WDR87: variants seen among roughly 807,000 people sequenced by gnomAD.
The protein encoded by WDR87 is WD repeat-containing protein 87.
In WDR87, 56 loss-of-function variants were observed where a neutral mutation model predicts 83.3. That is an observed-to-expected ratio of 0.67 (90% CI 0.54 to 0.84). WDR87 has a LOEUF of 0.84. WDR87 is among the 40% of genes least tolerant of loss of function. WDR87 has a pLI of 0.00. For synonymous variants in WDR87, 1,173 were observed against 1,250.6 expected (o/e 0.94, Z 1.31); for missense variants, 2,939 against 3,431.9 (o/e 0.86, Z 3.59).
chr19:37,900,080 C>A (rs2046284082), intron 1 of WDR87, among the ~76,000 whole-genome samples: 1 of 152,142 alleles, frequency 6.6e-6, no homozygotes, highest in Non-Finnish European at 1.5e-5. Flanking sequence ...AAGCAGCAGG[C>A]AAAACTTACC....
At chr19:37,902,224 A>AT (rs1467252507) in intron 1 of WDR87, among the ~76,000 whole-genome samples, 8 of 149,174 alleles carry the variant, frequency 5.4e-5, no homozygotes, top group Non-Finnish European at 8.9e-5. Context: ...TTCCTTTTTT[A>AT]TTTTTTTTGA....
Position 37,886,215 on chromosome 19 carries a change from G to A in WDR87, c.7456C>T (p.Pro2486Ser). The A allele has an allele frequency of 6.4e-7, 1 of 1,551,688 alleles. No individual in the cohort carries two copies. Among genetic ancestry groups the A allele is most frequent in the Non-Finnish European group, 8.7e-7 (1 of 1,147,004 alleles). Residue 2486 changes from proline to serine, a missense_variant, in exon 6 of 6, where the codon CCT (proline) becomes TCT (serine). Physicochemically the swap from Pro to Ser is moderately conservative, Grantham distance 74 (BLOSUM62 -1). This residue lies in a region of WDR87 where 2,160 missense variants were observed against 2,533.1 expected (regional missense o/e 0.85). Coordinates refer to ENST00000447313, the MANE Select transcript of WDR87 (RefSeq NM_001291088.2). ...AAAACTGTACCCAAAACATGTGGAGGTATGGGTTCATATTTTCCCATCACT... is the reference window on the plus strand; with the variant it reads ...AAAACTGTACCCAAAACATGTGGAGATATGGGTTCATATTTTCCCATCACT... ...REVMGKYEPI[P>S]PHVLGTVLES...
chr19:37,896,189 GGCATCACTGAAGTAATA>G lies in WDR87; in HGVS notation c.178_194del (p.Tyr60ProfsTer27). 1 of 1,552,238 alleles carries G rather than the reference GGCATCACTGAAGTAATA, an allele frequency of 6.4e-7. No individual in the cohort carries two copies. The highest frequency in any genetic ancestry group is 8.7e-7 in the Non-Finnish European group (1 of 1,147,116). On this transcript the variant is annotated frameshift_variant, in exon 3 of 6. Coordinates refer to ENST00000447313, the MANE Select transcript of WDR87 (RefSeq NM_001291088.2). LOFTEE classifies it high-confidence loss of function. Reference sequence around the variant, plus strand: ...CCCAAGAGAGGGAGGCGAAGAAGTGGGCATCACTGAAGTAATAGCATACACACGGCATATTTTGAGGA... The same window carrying G: ...CCCAAGAGAGGGAGGCGAAGAAGTGGGCATACACACGGCATATTTTGAGGA...
intron 1 of WDR87, among the ~76,000 whole-genome samples, chr19:37,904,526 T>G (rs894524111): frequency 2.0e-5 from 3 of 151,890 alleles, no homozygotes; most frequent in Non-Finnish European, 4.4e-5. Flanking sequence ...ACCCAGCGAA[T>G]TTTTTGTATT....
Position 37,894,973 on chromosome 19 carries a change from TGGA to T in WDR87, c.727_729del (p.Ser243del), listed in dbSNP as rs76642851. On this transcript the variant is annotated inframe_deletion, in exon 4 of 6. Transcript: ENST00000447313. ...TCAAAACAGGTGAAGCAGCAGGTGA[TGGA>T]GGAGCCGCTGCTGGTGGACGTGAAC... 0.044 allele frequency: 68,308 copies of T among 1,551,628 alleles called. 1,740 individuals carry two copies. The highest frequency in any genetic ancestry group is 0.1 in the East Asian group (4,282 of 40,902).
chr19:37,901,611 G>A (rs1362398308), intron 1 of WDR87, among the ~76,000 whole-genome samples: 3 of 152,074 alleles, frequency 2.0e-5, no homozygotes, highest in African/African-American at 4.8e-5. Flanking sequence ...TCTCTTGACC[G>A]GCCTACAGAG....
chr19:37,886,014 T>G lies in WDR87; in HGVS notation c.7657A>C (p.Lys2553Gln). 6.4e-7 allele frequency: 1 copy of G among 1,551,696 alleles called. No homozygotes were observed. Among genetic ancestry groups the G allele is most frequent in the East Asian group, 2.4e-5 (1 of 40,936 alleles). Residue 2553 changes from lysine to glutamine, a missense_variant, in exon 6 of 6, where the codon AAG becomes CAG. By Grantham distance (53) the Lys-to-Gln change is moderately conservative (BLOSUM62 1). Around this residue, in one of 3 missense-constraint regions of WDR87, gnomAD observed 2,160 missense variants for 2,533.1 expected, o/e 0.85. Coordinates refer to ENST00000447313, the MANE Select transcript of WDR87 (RefSeq NM_001291088.2). ...VQLPLSQIPA[K>Q]EQHADVSLSD... ...AGGCTTACGTCTGCATGTTGTTCCT[T>G]AGCTGGGATTTGGGAGAGAGGTAAC...
At position 37,888,160 on chromosome 19, in the gene WDR87, C is replaced by A; in HGVS notation, c.5511G>T (p.Leu1837=). 6.4e-7 allele frequency: 1 copy of A among 1,552,154 alleles called. No homozygotes were observed. Among genetic ancestry groups the A allele is most frequent in the Non-Finnish European group, 8.7e-7 (1 of 1,147,124 alleles). ...CAATCAATTGCTCCCTTTTCCGTCC[C>A]AGTCTTTCCTCTTCCTCAGGCATTT... The part of the protein sequence containing the change: ...KEKMPEEEER[L]GRKREQLIEK... The change falls in exon 6 of 6, where the codon CTG becomes CTT. Residue 1837 remains leucine (L), a synonymous_variant. Coordinates refer to ENST00000447313, the MANE Select transcript of WDR87 (RefSeq NM_001291088.2).
Position 37,892,703 on chromosome 19 carries a change from T to C in WDR87, c.3000A>G (p.Gln1000=), listed in dbSNP as rs1459872170. ...CTCTTTCATCCTTGTCCATTAATCC[T>C]TGAGCCAGAGGCATGGCAAAAAGAT... ...ITHLFAMPLA[Q]GLMDKDERVR... Residue 1000 remains glutamine (Q), a synonymous_variant, in exon 4 of 6, where the codon CAA becomes CAG. Coordinates refer to ENST00000447313, the MANE Select transcript of WDR87 (RefSeq NM_001291088.2). The C allele has an allele frequency of 6.4e-7, 1 of 1,551,858 alleles. No homozygotes were observed. Among genetic ancestry groups the C allele is most frequent in the Admixed American group, 2.0e-5 (1 of 51,010 alleles).
Position 37,896,487 on chromosome 19 carries a change from G to T in WDR87, c.76-179C>A, listed in dbSNP as rs1313471463. 3.3e-5 allele frequency among the ~76,000 whole-genome samples: 5 copies of T among 152,184 alleles called. No homozygotes were observed. In the East Asian group the frequency reaches 9.6e-4, roughly 29 times the overall value. On this transcript the variant is annotated intron_variant, in intron 2 of 5. Transcript: ENST00000447313. ...TGGCACAGCTATACTTCACAAGCAT[G>T]TAACAAATCCCCCAATGCATGAGGG...
chr19:37,889,482 G>T lies in WDR87; in HGVS notation c.4189C>A (p.Leu1397Met). 6.4e-7 allele frequency: 1 copy of T among 1,551,736 alleles called. No homozygotes were observed. The highest frequency in any genetic ancestry group is 8.7e-7 in the Non-Finnish European group (1 of 1,147,008). The change falls in exon 6 of 6, where the codon CTG (leucine) becomes ATG (methionine). Residue 1397 changes from leucine (L) to methionine (M), a missense_variant. Physicochemically the swap from Leu to Met is conservative, Grantham distance 15. Around this residue, in one of 3 missense-constraint regions of WDR87, gnomAD observed 2,160 missense variants for 2,533.1 expected, o/e 0.85. Transcript: ENST00000447313. ...EQAQKKARDM[L>M]GLEETQVILK... The stretch of plus-strand genomic sequence containing the variant: ...ATCACTTGGGTTTCCTCCAAGCCCA[G>T]CATGTCTCTTGCTTTCTTTTGTGCT...
intron 2 of WDR87, among the ~76,000 whole-genome samples, 191 bp from the exon 3 acceptor site, chr19:37,896,499 C>G (rs995760066): frequency 6.6e-6 from 1 of 152,178 alleles, no homozygotes; most frequent in African/African-American, 2.4e-5. Context: ...AACAAATCCC[C>G]CAATGCATGA....
At chr19:37,898,520 G>A (rs1319122879) in intron 1 of WDR87, among the ~76,000 whole-genome samples, 7 of 152,168 alleles carry the variant, frequency 4.6e-5, no homozygotes, top group South Asian at 4.1e-4. Flanking sequence ...GAATCTTAGC[G>A]TGTTCCTGTC....
intron 1 of WDR87, among the ~76,000 whole-genome samples, chr19:37,900,231 G>C (rs1001507431): frequency 6.6e-6 from 1 of 152,058 alleles, no homozygotes; most frequent in Non-Finnish European, 1.5e-5. Context: ...AACTCAAAGA[G>C]GAAAAGGGAT....
chr19:37,904,602 C>T (rs1020244665), intron 1 of WDR87, among the ~76,000 whole-genome samples: 11 of 152,042 alleles, frequency 7.2e-5, no homozygotes, highest in Non-Finnish European at 1.6e-4. Context: ...TCAAGTGATC[C>T]GCCCACCTCC....
intron 1 of WDR87, among the ~76,000 whole-genome samples, chr19:37,904,583 C>T (rs1036223161): frequency 1.3e-5 from 2 of 151,232 alleles, no homozygotes; most frequent in African/African-American, 4.9e-5. Flanking sequence ...TGGTCTCAAA[C>T]TCCTGACCTC....
intron 1 of WDR87, among the ~76,000 whole-genome samples, chr19:37,904,091 A>G (rs764956812): frequency 5.3e-5 from 8 of 151,672 alleles, no homozygotes; most frequent in Non-Finnish European, 1.0e-4. Flanking sequence ...TTTAATAGAG[A>G]CGGGGTTTCA....
rs201555125 is a variant in WDR87, at chr19:37,885,943, C to T, written c.7728G>A (p.Ala2576=). 235 of 1,552,020 alleles carry T rather than the reference C, an allele frequency of 1.5e-4. No homozygotes were observed. The highest frequency in any genetic ancestry group is 1.9e-4 in the Non-Finnish European group (221 of 1,147,090). Residue 2576 remains alanine (A), a synonymous_variant, in exon 6 of 6, where the codon GCG becomes GCA. Coordinates refer to ENST00000447313, the MANE Select transcript of WDR87 (RefSeq NM_001291088.2). ...WIRHVLERME[A]GEQLSRDGFH... ...AACCATCCCTGGAAAGCTGTTCTCC[C>T]GCTTCCATTCGTTCTAGGACATGGC... is the stretch of plus-strand genomic sequence containing the variant.
Position 37,888,118 on chromosome 19 carries a change from C to T in WDR87, c.5553G>A (p.Leu1851=). 6.4e-7 allele frequency: 1 copy of T among 1,551,266 alleles called. No homozygotes were observed. The highest frequency in any genetic ancestry group is 8.7e-7 in the Non-Finnish European group (1 of 1,146,840). ...REQLIEKKMK[L]AQKRERWINS... is the part of the protein sequence containing the mutation. ...TGATCCATCTTTCCCTTTTTTGGGC[C>T]AGTTTCATCTTCTTCTCAATCAATT... is the stretch of plus-strand genomic sequence containing the variant. The change falls in exon 6 of 6, where the codon CTG becomes CTA. Residue 1851 remains leucine (L), a synonymous_variant. Transcript: ENST00000447313.
Sources: gnomAD v4.1 joint callset for allele counts (sites outside exome capture counted in the v4.1 genomes callset) on GRCh38, gnomAD v4.1.1 for gene constraint, gnomAD v4.1.1 regional missense constraint, MANE v1.5 for transcripts, NCBI Gene and HGNC (gene_info 2026-07-23, HGNC 2026-07-21) for gene names.